DMD: variants seen among roughly 807,000 people sequenced by gnomAD.
DMD encodes the protein mutant dystrophin.
A neutral mutation model predicts 330.1 loss-of-function variants in DMD; 63 were observed. The ratio of observed to expected loss-of-function variants is 0.19; its 90% CI spans 0.16 to 0.24. The LOEUF is 0.24. Among genes scored for constraint, DMD ranks in the 10% least tolerant of loss-of-function variants. The pLI, the probability that DMD is intolerant of heterozygous loss-of-function variation, is 1.00. For synonymous variants in DMD, 1,223 were observed against 959.8 expected, an observed-to-expected ratio of 1.27 and a Z score of -5.07; for missense variants, 3,344 against 2,684.1, an observed-to-expected ratio of 1.25 and a Z score of -5.43.
intron 47 of DMD, among the ~76,000 whole-genome samples, chrX:31,876,699 C>CA (rs1187715444): frequency 5.0e-4 from 52 of 104,753 alleles, no homozygotes; most frequent in South Asian, 3.3e-3. Context: ...AAAAAAAAAA[C>CA]AAAAAAAACA....
At chrX:32,433,016 C>T (rs376905318) in intron 29 of DMD, among the ~76,000 whole-genome samples, 2 of 112,102 alleles carry the variant, frequency 1.8e-5, no homozygotes, top group East Asian at 2.8e-4. Flanking sequence ...GACTGAAATA[C>T]GGGCATTAAT....
chrX:33,096,078 C>G (rs1354994580), intron 1 of DMD, among the ~76,000 whole-genome samples: 1 of 105,911 alleles, frequency 9.4e-6, no homozygotes, highest in Non-Finnish European at 1.9e-5. Context: ...GGGCTCACGC[C>G]ATTCTCCTGC....
At chrX:32,611,378 A>G (rs2057160227) in intron 12 of DMD, among the ~76,000 whole-genome samples, 2 of 111,248 alleles carry the variant, frequency 1.8e-5, no homozygotes, top group African/African-American at 6.5e-5. Context: ...AAAATGTTAC[A>G]TAATCAACTT....
intron 2 of DMD, among the ~76,000 whole-genome samples, chrX:32,975,041 G>A (rs2147162719): frequency 8.9e-6 from 1 of 111,743 alleles, no homozygotes; most frequent in East Asian, 2.8e-4. Flanking sequence ...TAACATCCTT[G>A]AAACTTACAC....
intron 50 of DMD, among the ~76,000 whole-genome samples, chrX:31,774,477 A>T (rs1337846847): frequency 8.9e-6 from 1 of 112,098 alleles, no homozygotes; most frequent in Non-Finnish European, 1.9e-5. Flanking sequence ...CAAGTAACTT[A>T]AGTTAAATAA....
chrX:32,832,610 A>G (rs765338691), intron 4 of DMD, among the ~76,000 whole-genome samples: 20 of 111,762 alleles, frequency 1.8e-4, no homozygotes, highest in Non-Finnish European at 3.2e-4. Context: ...GTATTCATAC[A>G]ATCCTTCTAA....
intron 67 of DMD, among the ~76,000 whole-genome samples, chrX:31,199,353 A>C (rs1266519993): frequency 8.9e-6 from 1 of 112,536 alleles, no homozygotes; most frequent in African/African-American, 3.2e-5. Context: ...ATATGCTATT[A>C]ATGTGGAAAC....
At chrX:33,237,515 G>A (rs1169833751) in intron 1 of DMD, among the ~76,000 whole-genome samples, 2 of 111,058 alleles carry the variant, frequency 1.8e-5, no homozygotes, top group South Asian at 7.6e-4. Flanking sequence ...AAAATGCTGG[G>A]ATTACAGGCA....
At chrX:31,567,047 A>AT (rs1442773085) in intron 55 of DMD, among the ~76,000 whole-genome samples, 3 of 110,959 alleles carry the variant, frequency 2.7e-5, no homozygotes, top group Admixed American at 9.6e-5. Flanking sequence ...TTGATCTTGT[A>AT]TTTTTGGATC....
At chrX:32,838,321 C>A (rs1239449008) in intron 4 of DMD, among the ~76,000 whole-genome samples, 1 of 110,670 alleles carries the variant, frequency 9.0e-6, no homozygotes, top group Non-Finnish European at 1.9e-5. Flanking sequence ...TAGTTATACA[C>A]CTGCGATAGT....
chrX:33,069,123 G>A (rs2148140781), intron 1 of DMD, among the ~76,000 whole-genome samples: 1 of 111,907 alleles, frequency 8.9e-6, no homozygotes, highest in Admixed American at 9.6e-5. Flanking sequence ...AAACGTTGGT[G>A]CTAATTGCTT....
intron 2 of DMD, among the ~76,000 whole-genome samples, chrX:32,949,342 G>GTAGATAGA (rs1193558967): frequency 0.018 from 1,609 of 91,500 alleles, 20 homozygotes; most frequent in Middle Eastern, 0.035. Flanking sequence ...AGGTAGGTAG[G>GTAGATAGA]TAGATAGATA....
intron 1 of DMD, among the ~76,000 whole-genome samples, chrX:33,146,077 G>A (rs768562514): frequency 9.1e-5 from 10 of 109,950 alleles, no homozygotes; most frequent in Non-Finnish European, 1.9e-4. Context: ...TATATTTTCA[G>A]TAGAGACGGG....
chrX:32,840,454 G>A (rs1410362908), intron 4 of DMD, among the ~76,000 whole-genome samples: 1 of 111,396 alleles, frequency 9.0e-6, no homozygotes, highest in Non-Finnish European at 1.9e-5. Context: ...TTTAATTGAA[G>A]TGGAATATGC....
intron 52 of DMD, among the ~76,000 whole-genome samples, chrX:31,695,318 C>CA (rs2083385394): frequency 9.1e-6 from 1 of 109,997 alleles, no homozygotes; most frequent in South Asian, 3.8e-4. Flanking sequence ...TTAGCGGCTA[C>CA]AAAAAATAGT....
In DMD at chrX:32,645,155, GC is replaced by G. The variant is rs759592382; in HGVS notation, c.961-4del. On this transcript the variant is annotated splice_region_variant and splice_polypyrimidine_tract_variant and intron_variant, in intron 9 of 78. Transcript: ENST00000357033. ...TTGTCTTCAGGAGCTTCCAAATGCT[GC>G]ACAATAAAATAAATTGGGTGTTACA... 1.5e-5 allele frequency: 18 copies of G among 1,208,706 alleles called. No individual in the cohort carries two copies. The African/African-American group carries it at 2.3e-4, about 15-fold the overall frequency.
At position 31,750,051 on chromosome X, in the gene DMD, G is replaced by C. The variant is rs142770253; in HGVS notation, c.7543-20303C>G. 9.8e-4 allele frequency among the ~76,000 whole-genome samples: 108 copies of C among 110,642 alleles called. 1 individual carries two copies. In the East Asian group the frequency reaches 0.018, roughly 19 times the overall value. ...TGTAGATTCTGGATATTAGCTCTTTGTCAGATAAGCAGGTTGCGAAAATTT... is the reference window on the plus strand; with the variant it reads ...TGTAGATTCTGGATATTAGCTCTTTCTCAGATAAGCAGGTTGCGAAAATTT... On this transcript the variant is annotated intron_variant, in intron 51 of 78. Transcript: ENST00000357033.
Position 32,348,471 on chromosome X carries a change from C to G in DMD, c.5383G>C (p.Glu1795Gln), listed in dbSNP as rs79541196. 8.3e-7 allele frequency: 1 copy of G among 1,205,409 alleles called. No individual in the cohort carries two copies. Among genetic ancestry groups the G allele is most frequent in the East Asian group, 3.0e-5 (1 of 33,629 alleles). Reference sequence around the variant, plus strand: ...TGCTGAATTTCAGCCTCCAGTGGTTCAAGCAATTTTTGTATATCTGAGTTA... The same window carrying G: ...TGCTGAATTTCAGCCTCCAGTGGTTGAAGCAATTTTTGTATATCTGAGTTA... ...QFNSDIQKLL[E>Q]PLEAEIQQGV... The change falls in exon 38 of 79, where the codon GAA (glutamate) becomes CAA (glutamine). Residue 1795 changes from glutamate to glutamine, a missense_variant. Glu to Gln is a conservative substitution (Grantham distance 29). Transcript: ENST00000357033.
At chrX:31,478,054 G>T in intron 59 of DMD, 52 bp downstream of exon 59, 1 of 1,182,791 alleles carries the variant, frequency 8.5e-7, no homozygotes, top group Non-Finnish European at 1.1e-6. Context: ...GTTCAGATTA[G>T]AAGCTCTTTT....
Sources: gnomAD v4.1 joint callset for allele counts (sites outside exome capture counted in the v4.1 genomes callset) on GRCh38, gnomAD v4.1.1 for gene constraint, MANE v1.5 for transcripts, NCBI Gene and HGNC (gene_info 2026-07-23, HGNC 2026-07-21) for gene names.